PCM1: variants seen among roughly 807,000 people sequenced by gnomAD.
The protein encoded by PCM1 is pericentriolar material 1 protein.
A neutral mutation model predicts 241.9 loss-of-function variants in PCM1; 157 were observed. The ratio of observed to expected loss-of-function variants is 0.65; its 90% CI spans 0.57 to 0.74. The LOEUF (loss-of-function observed/expected upper bound fraction) is 0.74. Among genes scored for constraint, PCM1 ranks in the 30% least tolerant of loss-of-function variants. PCM1 has a pLI of 0.00. For synonymous variants in PCM1, 1,085 were observed against 784.9 expected, an observed-to-expected ratio of 1.38 and a Z score of -6.39; for missense variants, 3,478 against 2,360.1, an observed-to-expected ratio of 1.47 and a Z score of -9.81.
In PCM1 at chr8:17,963,215, G is replaced by T. The variant is rs2073318650; in HGVS notation, c.2578G>T (p.Ala860Ser). ...GAGGAGGCAAGGTCTAGCTGAAACT[G>T]CATCTCCAGTGGCTGTGTCATTGAG... ...HQRRQGLAETASPVAVSLRSD... is the reference protein window; with the variant it reads ...HQRRQGLAETSSPVAVSLRSD... Residue 860 changes from alanine to serine, a missense_variant, in exon 17 of 39, where the codon GCA (alanine) becomes TCA (serine). Coordinates refer to ENST00000325083, the MANE Select transcript of PCM1 (RefSeq NM_006197.4). The T allele has an allele frequency of 3.7e-6, 6 of 1,613,502 alleles. No individual in the cohort carries two copies. Among genetic ancestry groups the T allele is most frequent in the Non-Finnish European group, 5.1e-6 (6 of 1,179,640 alleles).
chr8:17,930,325 G>A (rs1188328912), intron 2 of PCM1, among the ~76,000 whole-genome samples: 2 of 151,532 alleles, frequency 1.3e-5, no homozygotes, highest in Admixed American at 6.6e-5. Flanking sequence ...GGATGGTCTC[G>A]ATCTCCTGAC....
intron 8 of PCM1, among the ~76,000 whole-genome samples, chr8:17,952,448 A>G (rs971908633): frequency 7.2e-5 from 11 of 152,128 alleles, no homozygotes; most frequent in African/African-American, 2.7e-4. Flanking sequence ...CTGTGTGGTC[A>G]TGTGTCTCTA....
intron 6 of PCM1, among the ~76,000 whole-genome samples, chr8:17,946,068 G>T (rs1219931718): frequency 6.6e-5 from 10 of 152,024 alleles, no homozygotes; most frequent in South Asian, 2.1e-4. Flanking sequence ...ATTTAAATTT[G>T]TCTCTGCTTT....
At chr8:17,993,047 G>T (rs939346060) in intron 28 of PCM1, among the ~76,000 whole-genome samples, 1 of 149,588 alleles carries the variant, frequency 6.7e-6, no homozygotes, top group African/African-American at 2.5e-5. Flanking sequence ...TGGGTTGTCT[G>T]TTTACTCAGA....
At chr8:17,968,760 G>GTATATA (rs1171536407) in intron 21 of PCM1, among the ~76,000 whole-genome samples, 4 of 128,008 alleles carry the variant, frequency 3.1e-5, no homozygotes, top group African/African-American at 1.2e-4. Context: ...GTGTGTGTGT[G>GTATATA]TGTATATATA....
In PCM1 at chr8:17,954,163, C is replaced by T. The variant is rs189852045; in HGVS notation, c.1288+977C>T. ...AGATGTGTGGCTGGGTGTGGTGGCT[C>T]ACGCCTGTAATCCCAGCACCTTGGG... On this transcript the variant is annotated intron_variant, in intron 9 of 38. Transcript: ENST00000325083. Among the ~76,000 whole-genome samples the T allele has an allele frequency of 1.1e-3, 166 of 152,308 alleles. 3 individuals carry two copies. The highest frequency in any genetic ancestry group is 3.9e-3 in the African/African-American group (161 of 41,574).
rs551208360 is a variant in PCM1 at position 17,931,143 on chromosome 8, G to C, written c.-22-4446G>C. ...ATCTGTTTTTCCCAAACTAATTAGA[G>C]TGTACAGTTTTAAAATTGTTTTAGA... On this transcript the variant is annotated intron_variant, in intron 2 of 38. Coordinates refer to ENST00000325083, the MANE Select transcript of PCM1 (RefSeq NM_006197.4). Among the ~76,000 whole-genome samples the C allele has an allele frequency of 3.3e-5, 5 of 152,258 alleles. No individual in the cohort carries two copies. The South Asian group carries it at 1.0e-3, about 32-fold the overall frequency.
At chr8:17,989,738 G>T (rs937456747) in intron 26 of PCM1, 121 bp from the exon 27 acceptor site, 4 of 691,688 alleles carry the variant, frequency 5.8e-6, no homozygotes, top group Non-Finnish European at 9.1e-6. Flanking sequence ...GAATACTGAG[G>T]AAACTTATGA....
intron 23 of PCM1, among the ~76,000 whole-genome samples, chr8:17,976,972 ACCTATTGGGACT>A (rs905521492): frequency 1.2e-4 from 18 of 152,050 alleles, no homozygotes; most frequent in Admixed American, 6.5e-4. Flanking sequence ...TTTTTAAAGT[ACCTATTGGGACT>A]CCCCACTGAG....
chr8:17,972,939 T>A (rs902366792), intron 23 of PCM1, among the ~76,000 whole-genome samples: 1 of 152,182 alleles, frequency 6.6e-6, no homozygotes, highest in Non-Finnish European at 1.5e-5. Context: ...AAGCTTCAGT[T>A]TTGTAGATTA....
At chr8:17,949,161 G>T (rs6990560) in intron 7 of PCM1, among the ~76,000 whole-genome samples, 26,837 of 151,950 alleles carry the variant, frequency 0.18, 2,733 homozygotes, top group East Asian at 0.38. Flanking sequence ...ATTTCAAAAA[G>T]AATTTTAGCT....
intron 36 of PCM1, among the ~76,000 whole-genome samples, chr8:18,022,450 A>G (rs1228464401): frequency 6.6e-6 from 1 of 152,104 alleles, no homozygotes; most frequent in Non-Finnish European, 1.5e-5. Flanking sequence ...ATATAGATGA[A>G]TGGAATCACA....
intron 21 of PCM1, chr8:17,969,367 G>A (rs1045860359): frequency 2.2e-6 from 1 of 459,680 alleles, no homozygotes; most frequent in African/African-American, 2.1e-5. Context: ...TAAGGGAGTG[G>A]GGATTATTAA....
rs1588338542 is a variant in PCM1, at chr8:18,006,326, C to T, written c.4891C>T (p.Leu1631Phe). Residue 1631 changes from leucine to phenylalanine, a missense_variant, in exon 30 of 39, where the codon CTT becomes TTT. Coordinates refer to ENST00000325083, the MANE Select transcript of PCM1 (RefSeq NM_006197.4). ...TTCAGTAAGGCGCATGGTTTTGACCCTTACCCAGCAAAATGATGAGAGCAA... is the reference window on the plus strand; with the variant it reads ...TTCAGTAAGGCGCATGGTTTTGACCTTTACCCAGCAAAATGATGAGAGCAA... Reference protein sequence around the residue: ...LTSVRRMVLTLTQQNDESKEF... With the variant: ...LTSVRRMVLTFTQQNDESKEF... 1.2e-6 allele frequency: 2 copies of T among 1,612,900 alleles called. No individual in the cohort carries two copies. Among genetic ancestry groups the T allele is most frequent in the East Asian group, 2.2e-5 (1 of 44,864 alleles).
Position 17,957,307 on chromosome 8 carries a change from A to T in PCM1, c.1690A>T (p.Ser564Cys), listed in dbSNP as rs759834086. 3.1e-6 allele frequency: 5 copies of T among 1,609,918 alleles called. No homozygotes were observed. The highest frequency in any genetic ancestry group is 4.2e-6 in the Non-Finnish European group (5 of 1,177,578). Residue 564 changes from serine to cysteine, a missense_variant, in exon 12 of 39, where the codon AGT (serine) becomes TGT (cysteine). Transcript: ENST00000325083. ...ASTWNEVNSH[S>C]NAQCVSNNRD... ...CACTTGGAATGAAGTAAATAGTCAT[A>T]GTAATGCACAGTGTGTTTCTAATAA...
intron 22 of PCM1, among the ~76,000 whole-genome samples, chr8:17,971,679 G>T (rs943045540): frequency 2.0e-5 from 3 of 152,330 alleles, no homozygotes; most frequent in African/African-American, 7.2e-5. Flanking sequence ...CTCTGCTATA[G>T]CTCTTTTTGA....
At chr8:18,015,262 A>C (rs1373205145) in intron 36 of PCM1, among the ~76,000 whole-genome samples, 2 of 151,992 alleles carry the variant, frequency 1.3e-5, no homozygotes, top group African/African-American at 2.4e-5. Flanking sequence ...AAAAAAAAAA[A>C]AAACTAGGAA....
intron 22 of PCM1, among the ~76,000 whole-genome samples, chr8:17,970,851 T>G (rs1282376868): frequency 6.6e-6 from 1 of 152,190 alleles, no homozygotes; most frequent in African/African-American, 2.4e-5. Context: ...AGATTAGACC[T>G]CATTTCCCAA....
At chr8:17,997,124 T>G (rs1373019993) in intron 29 of PCM1, among the ~76,000 whole-genome samples, 1 of 152,214 alleles carries the variant, frequency 6.6e-6, no homozygotes, top group African/African-American at 2.4e-5. Context: ...GGGAAAGTAT[T>G]TCTCCTTCGT....
Sources: gnomAD v4.1 joint callset for allele counts (sites outside exome capture counted in the v4.1 genomes callset) on GRCh38, gnomAD v4.1.1 for gene constraint, MANE v1.5 for transcripts, NCBI Gene and HGNC (gene_info 2026-07-23, HGNC 2026-07-21) for gene names.